The following FSTL5 variants were observed in gnomAD, a reference collection of about 807,000 sequenced individuals.
FSTL5 encodes the protein follistatin-related protein 5.
Under a neutral mutation model 89.1 loss-of-function variants are expected in FSTL5, and 62 were observed. The ratio of observed to expected loss-of-function variants is 0.70; its 90% CI spans 0.57 to 0.86. The LOEUF is 0.86. FSTL5 is among the 40% of genes least tolerant of loss of function. FSTL5 has a pLI of 0.00. For missense variants in FSTL5, 1,057 were observed against 1,001.6 expected (o/e 1.06, Z -0.75); for synonymous variants, 383 against 346.2 (o/e 1.11, Z -1.18).
chr4:162,003,377 C>T (rs775497624), intron 3 of FSTL5, among the ~76,000 whole-genome samples: 1 of 152,086 alleles, frequency 6.6e-6, no homozygotes, highest in Non-Finnish European at 1.5e-5. Context: ...GCAACAAAAG[C>T]CTTTCATAAT....
chr4:161,886,942 T>C (rs1163498610), intron 4 of FSTL5, among the ~76,000 whole-genome samples: 1 of 152,176 alleles, frequency 6.6e-6, no homozygotes, highest in Non-Finnish European at 1.5e-5. Context: ...ATTATAAACT[T>C]TACTGTTTAA....
intron 8 of FSTL5, among the ~76,000 whole-genome samples, chr4:161,546,282 TATATACATATTA>T (rs1422036307): frequency 4.5e-5 from 6 of 134,258 alleles, no homozygotes; most frequent in African/African-American, 1.8e-4. Context: ...ATGCATATTA[TATATACATATTA>T]TATATATATA....
intron 13 of FSTL5, among the ~76,000 whole-genome samples, chr4:161,470,911 A>G (rs989919500): frequency 6.6e-6 from 1 of 152,224 alleles, no homozygotes; most frequent in African/African-American, 2.4e-5. Flanking sequence ...ATAGAAATGC[A>G]ACAGATTTAT....
intron 3 of FSTL5, among the ~76,000 whole-genome samples, chr4:162,019,801 T>C (rs1342115470): frequency 6.6e-6 from 1 of 151,212 alleles, no homozygotes; most frequent in African/African-American, 2.4e-5. Context: ...TATGTGTGTG[T>C]TATGATATGG....
chr4:161,945,697 A>T (rs1365225603), intron 3 of FSTL5, among the ~76,000 whole-genome samples: 2 of 152,214 alleles, frequency 1.3e-5, no homozygotes, highest in African/African-American at 4.8e-5. Context: ...GGTTGCAGTG[A>T]GCCAAGATGG....
intron 1 of FSTL5, among the ~76,000 whole-genome samples, chr4:162,159,380 G>C (rs200697983): frequency 6.6e-6 from 1 of 151,832 alleles, no homozygotes. Flanking sequence ...TAAATCTTTT[G>C]CTTTGGAATT....
At chr4:161,708,967 C>G (rs1738682641) in intron 6 of FSTL5, among the ~76,000 whole-genome samples, 1 of 152,086 alleles carries the variant, frequency 6.6e-6, no homozygotes, top group Non-Finnish European at 1.5e-5. Flanking sequence ...TGTTTTATAT[C>G]ATAACTGTTG....
chr4:161,941,300 A>C (rs1475041172), intron 3 of FSTL5, among the ~76,000 whole-genome samples: 1 of 152,058 alleles, frequency 6.6e-6, no homozygotes, highest in East Asian at 1.9e-4. Flanking sequence ...CTTCCTTACC[A>C]TTAATTACTT....
intron 3 of FSTL5, among the ~76,000 whole-genome samples, chr4:161,977,763 C>A (rs1005741140): frequency 1.3e-5 from 2 of 151,154 alleles, no homozygotes; most frequent in African/African-American, 2.4e-5. Flanking sequence ...GAATTCAAAT[C>A]CAACTATAAG....
intron 4 of FSTL5, among the ~76,000 whole-genome samples, chr4:161,785,133 A>ATTCC (rs1219685450): frequency 6.6e-6 from 1 of 152,184 alleles, no homozygotes; most frequent in Non-Finnish European, 1.5e-5. Context: ...ATTCGACTTT[A>ATTCC]CGTGAAGATC....
chr4:161,605,074 A>T (rs1734389166), intron 7 of FSTL5, among the ~76,000 whole-genome samples: 1 of 152,206 alleles, frequency 6.6e-6, no homozygotes. Context: ...TATGTGGTTT[A>T]CTGCAGGCCA....
intron 4 of FSTL5, among the ~76,000 whole-genome samples, chr4:161,809,411 G>T (rs1730073642): frequency 6.6e-6 from 1 of 152,140 alleles, no homozygotes. Context: ...AGCTGCTATG[G>T]AAAAGACTAT....
intron 12 of FSTL5, among the ~76,000 whole-genome samples, chr4:161,492,224 A>AT (rs1247014139): frequency 6.6e-6 from 1 of 152,098 alleles, no homozygotes; most frequent in Non-Finnish European, 1.5e-5. Flanking sequence ...TTATGTTATA[A>AT]TTTTCTCTCC....
intron 3 of FSTL5, among the ~76,000 whole-genome samples, chr4:161,950,953 C>G (rs911009765): frequency 6.6e-6 from 1 of 152,012 alleles, no homozygotes; most frequent in Middle Eastern, 3.4e-3. Flanking sequence ...GGCTGTGTCC[C>G]CACCCAAATC....
intron 3 of FSTL5, among the ~76,000 whole-genome samples, chr4:161,973,930 G>T (rs1473089167): frequency 6.6e-6 from 1 of 152,058 alleles, no homozygotes; most frequent in Non-Finnish European, 1.5e-5. Flanking sequence ...CAAAATCAAT[G>T]TACAAAAATC....
intron 3 of FSTL5, among the ~76,000 whole-genome samples, chr4:162,027,769 A>G (rs1049416840): frequency 1.4e-4 from 21 of 150,166 alleles, no homozygotes; most frequent in Admixed American, 8.0e-4. Flanking sequence ...CTTATTGGTA[A>G]TTAAAGAGTT....
chr4:161,759,560 T>G, intron 5 of FSTL5, 29 bp from the exon 6 acceptor site: 1 of 1,351,308 alleles, frequency 7.4e-7, no homozygotes, highest in Non-Finnish European at 9.9e-7. Flanking sequence ...ACCATACCTT[T>G]AGATTTGTGT....
At chr4:161,442,417 T>A (rs113434708) in intron 15 of FSTL5, among the ~76,000 whole-genome samples, 51 of 152,262 alleles carry the variant, frequency 3.3e-4, no homozygotes, top group African/African-American at 1.2e-3. Context: ...ATTGTTACTT[T>A]TGAGGTAACT....
intron 15 of FSTL5, among the ~76,000 whole-genome samples, chr4:161,434,946 A>G (rs1449767864): frequency 1.3e-5 from 2 of 152,124 alleles, no homozygotes; most frequent in African/African-American, 4.8e-5. Context: ...GTATGGGAAG[A>G]AAAGGGAACC....
Sources: allele counts gnomAD v4.1 joint callset (sites outside exome capture counted in the v4.1 genomes callset), GRCh38; gene constraint gnomAD v4.1.1; transcripts MANE v1.5; gene names NCBI Gene and HGNC (gene_info 2026-07-23, HGNC 2026-07-21).